CHN1: variants seen among roughly 807,000 people sequenced by gnomAD.
CHN1 encodes the protein chimerin 1, also known as N-chimaerin.
A neutral mutation model predicts 59.5 loss-of-function variants in CHN1; 37 were observed. The ratio of observed to expected loss-of-function variants is 0.62; its 90% CI spans 0.48 to 0.82. The LOEUF is 0.82. CHN1 is among the 40% of genes least tolerant of loss of function. CHN1 has a pLI of 0.00. For missense variants in CHN1, 469 were observed against 571.0 expected (o/e 0.82, Z 1.82); for synonymous variants, 206 against 200.4 (o/e 1.03, Z -0.24).
At chr2:174,807,755 C>A (rs1208868740) in intron 11 of CHN1, among the ~76,000 whole-genome samples, 2 of 151,984 alleles carry the variant, frequency 1.3e-5, no homozygotes, top group African/African-American at 4.8e-5. Flanking sequence ...GAACTAACCA[C>A]AAAAATCCTC....
At chr2:174,977,587 G>A (rs1250324428) in intron 1 of CHN1, among the ~76,000 whole-genome samples, 1 of 152,102 alleles carries the variant, frequency 6.6e-6, no homozygotes, top group Non-Finnish European at 1.5e-5. Flanking sequence ...TGACACAATC[G>A]GATCATGTAT....
chr2:174,905,519 T>C (rs1013939228), intron 5 of CHN1, among the ~76,000 whole-genome samples: 3 of 152,118 alleles, frequency 2.0e-5, no homozygotes, highest in Non-Finnish European at 4.4e-5. Context: ...GAAGTTTGAA[T>C]AGACAGAATA....
chr2:174,947,899 A>C (rs960645613), intron 2 of CHN1, among the ~76,000 whole-genome samples: 2 of 152,222 alleles, frequency 1.3e-5, no homozygotes, highest in Non-Finnish European at 2.9e-5. Flanking sequence ...CTTCTCTCTC[A>C]GTTTGGAATT....
At chr2:174,848,893 A>C (rs564225955) in intron 6 of CHN1, among the ~76,000 whole-genome samples, 13 of 152,316 alleles carry the variant, frequency 8.5e-5, no homozygotes, top group African/African-American at 3.1e-4. Flanking sequence ...TGCAATGGAA[A>C]AAGTCTCCTT....
chr2:174,887,028 A>T (rs1480298864), intron 5 of CHN1, among the ~76,000 whole-genome samples: 1 of 152,110 alleles, frequency 6.6e-6, no homozygotes, highest in African/African-American at 2.4e-5. Context: ...GTTTTCTGTT[A>T]CTTCTGTTAC....
chr2:174,978,401 A>C (rs1021302971), intron 1 of CHN1, among the ~76,000 whole-genome samples: 7 of 152,208 alleles, frequency 4.6e-5, no homozygotes, highest in South Asian at 4.1e-4. Context: ...CCCCTTGTTC[A>C]AAAATTATTA....
At chr2:174,906,273 T>C (rs1411349977) in intron 5 of CHN1, among the ~76,000 whole-genome samples, 1 of 152,158 alleles carries the variant, frequency 6.6e-6, no homozygotes, top group Non-Finnish European at 1.5e-5. Flanking sequence ...ATATTATTCA[T>C]TAGTAAAAAG....
rs377672398 is a variant in CHN1 at position 174,824,384 on chromosome 2, C to T, written c.712+50G>A. ...CAACAAGTCTCCTTCTACCTCACCT[C>T]TTATAACTTCACAACTGACTCAATC... On this transcript the variant is annotated intron_variant, in intron 8 of 12. Coordinates refer to ENST00000409900, the MANE Select transcript of CHN1 (RefSeq NM_001822.7). The T allele has an allele frequency of 1.4e-5, 20 of 1,423,610 alleles. No individual in the cohort carries two copies. In the African/African-American group the frequency reaches 2.3e-4, roughly 16 times the overall value. The allele number at this position is 1,423,610 out of a possible 1,614,324, so 88.2% of individuals were successfully genotyped here.
At chr2:174,827,562 AT>A (rs1685730315) in intron 7 of CHN1, among the ~76,000 whole-genome samples, 1 of 152,168 alleles carries the variant, frequency 6.6e-6, no homozygotes, top group Non-Finnish European at 1.5e-5. Flanking sequence ...ACAAATTTGT[AT>A]TCTGTCCAGT....
intron 1 of CHN1, among the ~76,000 whole-genome samples, chr2:174,954,405 AC>A (rs1237543601): frequency 3.9e-5 from 6 of 152,176 alleles, no homozygotes; most frequent in Non-Finnish European, 7.4e-5. Context: ...ATGACCAAGA[AC>A]CCAAAAGCAA....
At chr2:174,871,685 GT>G (rs1476410853) in intron 6 of CHN1, among the ~76,000 whole-genome samples, 2 of 152,154 alleles carry the variant, frequency 1.3e-5, no homozygotes, top group African/African-American at 4.8e-5. Context: ...GTCCAACTTA[GT>G]ATTTATTTAA....
At chr2:174,918,508 A>C (rs746228231) in intron 4 of CHN1, 26 bp downstream of exon 4, 13 of 1,556,174 alleles carry the variant, frequency 8.4e-6, no homozygotes, top group Non-Finnish European at 1.1e-5. Context: ...CAATCTATAA[A>C]ACGTTTTCTA....
At chr2:174,896,951 T>C in intron 5 of CHN1, among the ~76,000 whole-genome samples, 1 of 152,264 alleles carries the variant, frequency 6.6e-6, no homozygotes, top group South Asian at 2.1e-4. Flanking sequence ...ACTCAAATCA[T>C]ATATATAAAT....
At chr2:174,843,162 T>G (rs1037096991) in intron 7 of CHN1, among the ~76,000 whole-genome samples, 2 of 152,316 alleles carry the variant, frequency 1.3e-5, no homozygotes, top group African/African-American at 4.8e-5. Context: ...CAGTTTAATT[T>G]GAAAAGAGTA....
At chr2:174,985,739 C>T (rs1008420571) in intron 1 of CHN1, among the ~76,000 whole-genome samples, 1 of 152,086 alleles carries the variant, frequency 6.6e-6, no homozygotes. Flanking sequence ...TAAATTGAAG[C>T]TCATCAATTT....
chr2:174,860,738 T>C (rs996384571), intron 6 of CHN1, among the ~76,000 whole-genome samples: 1 of 152,228 alleles, frequency 6.6e-6, no homozygotes, highest in African/African-American at 2.4e-5. Context: ...TCACATTTTC[T>C]AACAAAAGTT....
intron 1 of CHN1, among the ~76,000 whole-genome samples, chr2:174,966,875 C>T (rs1017067974): frequency 6.6e-6 from 1 of 152,128 alleles, no homozygotes; most frequent in Non-Finnish European, 1.5e-5. Context: ...CCTGTCAGTC[C>T]TCTCAATGAT....
chr2:174,876,390 TATA>T (rs910550792), intron 6 of CHN1, among the ~76,000 whole-genome samples: 3 of 152,180 alleles, frequency 2.0e-5, no homozygotes, highest in Non-Finnish European at 2.9e-5. Flanking sequence ...CTGCAAAGAA[TATA>T]ATGTCAGTAT....
Position 174,812,481 on chromosome 2 carries a change from A to G in CHN1, c.714T>C (p.Asp238=), listed in dbSNP as rs1470411659. The change falls in exon 9 of 13, where the codon GAT becomes GAC. Residue 238 remains aspartate (D), a splice_region_variant and synonymous_variant. Coordinates refer to ENST00000409900, the MANE Select transcript of CHN1 (RefSeq NM_001822.7). ...GLIAQGVKCA[D]CGLNVHKQCS... The stretch of plus-strand genomic sequence containing the variant: ...ACTGCTTATGAACATTCAAACCACA[A>G]TCTAAGAAAAGAATAAAGAAAGGAA... The G allele has an allele frequency of 1.9e-6, 3 of 1,613,446 alleles. No individual in the cohort carries two copies. Among genetic ancestry groups the G allele is most frequent in the African/African-American group, 2.7e-5 (2 of 75,030 alleles).
Sources: allele counts gnomAD v4.1 joint callset (sites outside exome capture counted in the v4.1 genomes callset), GRCh38; gene constraint gnomAD v4.1.1; transcripts MANE v1.5; gene names NCBI Gene and HGNC (gene_info 2026-07-23, HGNC 2026-07-21).